Variants in UBR4 observed in about 807,000 individuals in gnomAD.
UBR4 encodes E3 ubiquitin-protein ligase UBR4.
Under a neutral mutation model 575.6 loss-of-function variants are expected in UBR4, and 124 were observed. That is an observed-to-expected ratio of 0.22 (90% CI 0.19 to 0.25). The LOEUF (loss-of-function observed/expected upper bound fraction) is 0.25, where lower values mean the gene tolerates loss of function less well. Ranked by LOEUF, UBR4 falls within the 10% of genes least tolerant of loss-of-function variation. UBR4 has a pLI of 1.00. For missense variants in UBR4, 4,818 were observed against 6,478.8 expected (o/e 0.74, Z 8.80); for synonymous variants, 2,455 against 2,473.7 (o/e 0.99, Z 0.22).
intron 60 of UBR4, among the ~76,000 whole-genome samples, chr1:19,130,393 G>T (rs111905552): frequency 6.6e-6 from 1 of 152,078 alleles, no homozygotes; most frequent in Non-Finnish European, 1.5e-5. Flanking sequence ...TTAGCCAGAC[G>T]TGGTGCCATG....
At chr1:19,076,678 A>G (rs1423672791) in intron 105 of UBR4, 62 bp downstream of exon 105, 14 of 1,609,358 alleles carry the variant, frequency 8.7e-6, no homozygotes, top group Non-Finnish European at 1.1e-5. Context: ...CGGATGACCC[A>G]CGGAGGAAGA....
chr1:19,093,786 A>G lies in UBR4; in HGVS notation c.13937+163T>C, dbSNP rs1202936937. Among the ~76,000 whole-genome samples, 1 of 152,200 alleles carries G rather than the reference A, an allele frequency of 6.6e-6. No individual in the cohort carries two copies. The highest frequency in any genetic ancestry group is 1.5e-5 in the Non-Finnish European group (1 of 68,036). ...TAGCCAATTGCTACTCTAATACAGT[A>G]TATTTTAACTATTCACTTCCCAACT... On this transcript the variant is annotated intron_variant, in intron 95 of 105. Coordinates refer to ENST00000375254, the MANE Select transcript of UBR4 (RefSeq NM_020765.3). The surrounding 1 kb of genome is among the most constrained non-coding windows in gnomAD (Gnocchi z 4.8).
At chr1:19,075,128 A>G in intron 105 of UBR4, 1 of 568,798 alleles carries the variant, frequency 1.8e-6, no homozygotes, top group Non-Finnish European at 3.2e-6. Flanking sequence ...TTGTTCTCAC[A>G]TTTGAATAGG....
chr1:19,140,572 G>A (rs1026599641), intron 58 of UBR4, among the ~76,000 whole-genome samples: 100 of 152,366 alleles, frequency 6.6e-4, no homozygotes, highest in African/African-American at 2.3e-3. Flanking sequence ...AGTAGCTGAA[G>A]CCAGGCAGCA....
At chr1:19,114,772 A>C in intron 75 of UBR4, 39 bp downstream of exon 75, 1 of 1,611,030 alleles carries the variant, frequency 6.2e-7, no homozygotes, top group Non-Finnish European at 8.5e-7. Flanking sequence ...AGTCCAGATC[A>C]AGGCCACAGC....
rs6693718 is a variant in UBR4 at position 19,118,350 on chromosome 1, A to T, written c.10542-440T>A. 7.4e-3 allele frequency: 1,189 copies of T among 159,710 alleles called. 30 individuals are homozygous for T. The highest frequency in any genetic ancestry group is 0.07 in the East Asian group (374 of 5,370). 9.9% of individuals were successfully genotyped at this position (159,710 alleles called of 1,614,324 possible). A position where few individuals can be genotyped will look rare whatever the true frequency, so the allele number is the denominator to read the frequency against. ...AATATCCTCTTTTAGAAGTTTTTTT[A>T]AAAAAAGGAAGACATTTTCTTTAAA... is the stretch of plus-strand genomic sequence containing the variant. On this transcript the variant is annotated intron_variant, in intron 71 of 105. Coordinates refer to ENST00000375254, the MANE Select transcript of UBR4 (RefSeq NM_020765.3).
At chr1:19,083,503 A>G (rs1405079928) in intron 102 of UBR4, among the ~76,000 whole-genome samples, 2 of 152,218 alleles carry the variant, frequency 1.3e-5, no homozygotes, top group Non-Finnish European at 2.9e-5. Context: ...GAAACAGTGA[A>G]TTAAATGGAA....
intron 49 of UBR4, chr1:19,149,720 C>A: frequency 7.8e-7 from 1 of 1,289,262 alleles, no homozygotes; most frequent in South Asian, 1.3e-5. Context: ...GGCTCTCTGA[C>A]ACACACTCAC....
intron 81 of UBR4, among the ~76,000 whole-genome samples, chr1:19,109,622 A>G (rs1213345820): frequency 1.3e-5 from 2 of 152,246 alleles, no homozygotes; most frequent in African/African-American, 4.8e-5. Flanking sequence ...ATTTTTCACA[A>G]CACTTCAAGG....
Position 19,086,273 on chromosome 1 carries a change from G to A in UBR4, c.14688-3C>T. Reference sequence around the variant, plus strand: ...ACTCTTCCCGGCCTCGAGCCAACCTGGATAGGGAGGAGAGCAGGGACAAGC... The same window carrying A: ...ACTCTTCCCGGCCTCGAGCCAACCTAGATAGGGAGGAGAGCAGGGACAAGC... On this transcript the variant is annotated splice_polypyrimidine_tract_variant and splice_region_variant and intron_variant, in intron 100 of 105. Transcript: ENST00000375254. The A allele has an allele frequency of 1.2e-6, 2 of 1,601,592 alleles. No individual in the cohort carries two copies. Among genetic ancestry groups the A allele is most frequent in the Non-Finnish European group, 1.7e-6 (2 of 1,173,450 alleles).
At chr1:19,096,973 CTAAAAGTT>C (rs1553143531) in intron 91 of UBR4, among the ~76,000 whole-genome samples, 3 of 146,560 alleles carry the variant, frequency 2.0e-5, no homozygotes, top group Non-Finnish European at 4.5e-5. Flanking sequence ...GCATTTTCCT[CTAAAAGTT>C]TGCTGGTATT....
chr1:19,104,933 T>A (rs1340872800), intron 85 of UBR4, 115 bp downstream of exon 85: 18 of 1,471,814 alleles, frequency 1.2e-5, no homozygotes, highest in Non-Finnish European at 1.6e-5. Flanking sequence ...CCAAACACCT[T>A]CAACAAATAT....
rs540275371 is a variant in UBR4, at chr1:19,117,250, G to A, written c.10794C>T (p.Thr3598=). 7.4e-6 allele frequency: 12 copies of A among 1,614,046 alleles called. No homozygotes were observed. Among genetic ancestry groups the A allele is most frequent in the African/African-American group, 2.7e-5 (2 of 75,012 alleles). ...TTTTCAACTCCACGATGGCCTGCACGGTTCGGTTGTTATAATACAGGTTGA... is the reference window on the plus strand; with the variant it reads ...TTTTCAACTCCACGATGGCCTGCACAGTTCGGTTGTTATAATACAGGTTGA... ...RTINLYYNNR[T]VQAIVELKNK... The change falls in exon 73 of 106, where the codon ACC becomes ACT. Residue 3598 remains threonine (T), a synonymous_variant. Transcript: ENST00000375254. The surrounding 1 kb of genome is among the most constrained non-coding windows in gnomAD (Gnocchi z 4.0).
intron 99 of UBR4, 128 bp from the exon 100 acceptor site, chr1:19,086,949 A>G: frequency 7.7e-7 from 1 of 1,302,860 alleles, no homozygotes; most frequent in Non-Finnish European, 1.0e-6. Context: ...TCACTAGGGA[A>G]GTTCAGAAGA....
At chr1:19,205,767 T>C (rs1454721770) in intron 1 of UBR4, among the ~76,000 whole-genome samples, 2 of 152,126 alleles carry the variant, frequency 1.3e-5, no homozygotes, top group Non-Finnish European at 2.9e-5. Flanking sequence ...GTGCATTATC[T>C]AATGGGAATG....
In UBR4 at chr1:19,139,122, C is replaced by T. The variant is rs753423490; in HGVS notation, c.8692G>A (p.Gly2898Arg). The T allele has an allele frequency of 1.9e-6, 3 of 1,613,928 alleles. No homozygotes were observed. Among genetic ancestry groups the T allele is most frequent in the East Asian group, 2.2e-5 (1 of 44,868 alleles). The change falls in exon 59 of 106, where the codon GGG becomes AGG. Residue 2898 changes from glycine (G) to arginine (R), a missense_variant. Around this residue, in one of 29 missense-constraint regions of UBR4, gnomAD observed 57 missense variants for 101.5 expected, o/e 0.56. Coordinates refer to ENST00000375254, the MANE Select transcript of UBR4 (RefSeq NM_020765.3). This position sits in a 1 kb window ranked among gnomAD's most constrained non-coding sequence, Gnocchi z 4.2. ...GCCACTGAGTCCACTGCACTGCCCC[C>T]GCTCTCCGAGCCCACACTACCACCG... ...DHGGSVGSES[G>R]GSAVDSVAGE...
rs992877318 is a variant in UBR4 at position 19,093,021 on chromosome 1, C to T, written c.14112-103G>A. On this transcript the variant is annotated intron_variant, in intron 96 of 105. Coordinates refer to ENST00000375254, the MANE Select transcript of UBR4 (RefSeq NM_020765.3). The surrounding 1 kb of genome is among the most constrained non-coding windows in gnomAD (Gnocchi z 4.8). ...TTTAAACCCCCAGGGCATGATTAAC[C>T]GTGACCCTCTCCGAGTGTCATAAAG... The T allele has an allele frequency of 5.6e-6, 6 of 1,066,138 alleles. No homozygotes were observed. Among genetic ancestry groups the T allele is most frequent in the Non-Finnish European group, 6.9e-6 (5 of 721,840 alleles). 66.0% of individuals were successfully genotyped at this position (1,066,138 alleles called of 1,614,324 possible).
intron 48 of UBR4, 98 bp downstream of exon 48, chr1:19,151,545 G>GT (rs1350973192): frequency 7.7e-7 from 1 of 1,300,972 alleles, no homozygotes; most frequent in Non-Finnish European, 1.1e-6. Flanking sequence ...AATCAGCAGA[G>GT]TGGAGAGATC....
Position 19,120,236 on chromosome 1 carries a change from C to T in UBR4, c.10254G>A (p.Glu3418=), listed in dbSNP as rs756927081. 1.2e-6 allele frequency: 2 copies of T among 1,614,196 alleles called. No individual in the cohort carries two copies. The highest frequency in any genetic ancestry group is 2.2e-5 in the South Asian group (2 of 91,080). Residue 3418 remains glutamate (E), a synonymous_variant, in exon 69 of 106, where the codon GAG becomes GAA. Coordinates refer to ENST00000375254, the MANE Select transcript of UBR4 (RefSeq NM_020765.3). Reference sequence around the variant, plus strand: ...GCCAGCGCACCGAGGAAGAATTGGACTCTAACAGGAAACAACGCAGGAACT... The same window carrying T: ...GCCAGCGCACCGAGGAAGAATTGGATTCTAACAGGAAACAACGCAGGAACT... The part of the protein sequence containing the change: ...LIQFLRCFLL[E]SNSSSVRWQA...
Sources: gnomAD v4.1 joint callset for allele counts (sites outside exome capture counted in the v4.1 genomes callset) on GRCh38, gnomAD v4.1.1 for gene constraint, gnomAD v4.1.1 regional missense constraint, Gnocchi (gnomAD v3.1) non-coding constraint, MANE v1.5 for transcripts, NCBI Gene and HGNC (gene_info 2026-07-23, HGNC 2026-07-21) for gene names.